Variants in NTPCR observed in about 807,000 individuals in gnomAD.
NTPCR encodes cancer-related nucleoside-triphosphatase.
A neutral mutation model predicts 19.5 loss-of-function variants in NTPCR; 15 were observed. That is an observed-to-expected ratio of 0.77 (90% CI 0.51 to 1.18). The LOEUF is 1.18. Among genes scored for constraint, NTPCR ranks in the 50% most tolerant of loss-of-function variants. The pLI is 0.00. For synonymous variants in NTPCR, 90 were observed against 95.8 expected (o/e 0.94, Z 0.36); for missense variants, 206 against 240.4 (o/e 0.86, Z 0.95).
intron 1 of NTPCR, among the ~76,000 whole-genome samples, chr1:232,951,780 G>A (rs1312766198): frequency 6.6e-6 from 1 of 152,142 alleles, no homozygotes; most frequent in African/African-American, 2.4e-5. Flanking sequence ...GGAGCAGGGG[G>A]TGAGGAGGAG....
intron 3 of NTPCR, among the ~76,000 whole-genome samples, chr1:232,957,774 A>T (rs1397969513): frequency 2.6e-5 from 4 of 152,234 alleles, no homozygotes; most frequent in Admixed American, 1.3e-4. Flanking sequence ...GTAAATTTAT[A>T]CTTGTCATGG....
chr1:232,975,203 C>T (rs533755457), intron 4 of NTPCR, among the ~76,000 whole-genome samples: 44 of 152,334 alleles, frequency 2.9e-4, no homozygotes, highest in Non-Finnish European at 5.7e-4. Flanking sequence ...TCTGATCTTC[C>T]AGGCTGCTTG....
At position 232,980,344 on chromosome 1, in the gene NTPCR, C is replaced by T. The variant is rs1669250716; in HGVS notation, c.*2113C>T. The T allele has an allele frequency of 6.6e-6, 1 of 152,212 alleles. No individual in the cohort carries two copies. Among genetic ancestry groups the T allele is most frequent in the Non-Finnish European group, 1.5e-5 (1 of 68,048 alleles). The allele number at this position is 152,212 out of a possible 1,614,324, so 9.4% of individuals were successfully genotyped here. ...TGTTTAAGTGGTTCGTTCAGGAGCACAGTGATAGCGGTGACAAAGGAGATT... is the reference window on the plus strand; with the variant it reads ...TGTTTAAGTGGTTCGTTCAGGAGCATAGTGATAGCGGTGACAAAGGAGATT... On this transcript the variant is annotated 3_prime_UTR_variant, in exon 5 of 5. Coordinates refer to ENST00000366628, the MANE Select transcript of NTPCR (RefSeq NM_032324.3).
intron 3 of NTPCR, chr1:232,963,928 A>G (rs1161144138): frequency 1.3e-5 from 2 of 151,854 alleles, no homozygotes; most frequent in Non-Finnish European, 2.9e-5. Context: ...ATACGTTGCA[A>G]TCATCAAGGT....
Position 232,978,186 on chromosome 1 carries a change from C to T in NTPCR, c.528C>T (p.His176=). 1.2e-6 allele frequency: 2 copies of T among 1,614,210 alleles called. No homozygotes were observed. Among genetic ancestry groups the T allele is most frequent in the Non-Finnish European group, 1.7e-6 (2 of 1,180,022 alleles). ...VFNVTKENRN[H]LLPDIVTCVQ... Reference sequence around the variant, plus strand: ...AGGTCACCAAGGAAAACAGAAACCACCTTCTGCCAGATATCGTGACGTGCG... The same window carrying T: ...AGGTCACCAAGGAAAACAGAAACCATCTTCTGCCAGATATCGTGACGTGCG... The change falls in exon 5 of 5, where the codon CAC becomes CAT. Residue 176 remains histidine (H), a synonymous_variant. Transcript: ENST00000366628.
At chr1:232,959,581 G>T (rs1478171021) in intron 3 of NTPCR, among the ~76,000 whole-genome samples, 2 of 152,054 alleles carry the variant, frequency 1.3e-5, no homozygotes, top group East Asian at 3.9e-4. Flanking sequence ...AAAATGAAAA[G>T]AATATTAATT....
At chr1:232,971,169 C>G (rs916002847) in intron 4 of NTPCR, among the ~76,000 whole-genome samples, 2 of 152,196 alleles carry the variant, frequency 1.3e-5, no homozygotes, top group Non-Finnish European at 2.9e-5. Context: ...TCTCCCCAAC[C>G]CCTACCCTTA....
At chr1:232,959,997 G>A (rs948417401) in intron 3 of NTPCR, among the ~76,000 whole-genome samples, 5 of 151,990 alleles carry the variant, frequency 3.3e-5, no homozygotes, top group African/African-American at 1.2e-4. Context: ...GATAACTTCA[G>A]GCCAGGAGTT....
chr1:232,974,451 C>T (rs1189874859), intron 4 of NTPCR, among the ~76,000 whole-genome samples: 1 of 152,068 alleles, frequency 6.6e-6, no homozygotes, highest in Non-Finnish European at 1.5e-5. Context: ...GTGTAGTGGG[C>T]TTTTCTTCCT....
Position 232,955,586 on chromosome 1 carries a change from G to A in NTPCR, c.64G>A (p.Ala22Thr), listed in dbSNP as rs1238302530. 1.2e-6 allele frequency: 2 copies of A among 1,600,214 alleles called. No homozygotes were observed. The highest frequency in any genetic ancestry group is 3.4e-5 in the Admixed American group (2 of 58,460). Residue 22 changes from alanine to threonine, a missense_variant, in exon 2 of 5, where the codon GCC (alanine) becomes ACC (threonine). Ala to Thr is a moderately conservative substitution (Grantham distance 58, BLOSUM62 0). Transcript: ENST00000366628. ...GVGKTTLIHK[A>T]SEVLKSSGVP... ...TGGAAAAACAACATTGATCCATAAAGCCAGTGAGGTTTTAAAATCCTCTGG... is the reference window on the plus strand; with the variant it reads ...TGGAAAAACAACATTGATCCATAAAACCAGTGAGGTTTTAAAATCCTCTGG...
At chr1:232,974,533 A>T (rs931289155) in intron 4 of NTPCR, among the ~76,000 whole-genome samples, 7 of 152,232 alleles carry the variant, frequency 4.6e-5, no homozygotes, top group Non-Finnish European at 8.8e-5. Context: ...GTTAAAAAAA[A>T]TAGCTGAAAA....
intron 3 of NTPCR, chr1:232,967,803 A>G (rs1485341040): frequency 6.6e-6 from 1 of 152,170 alleles, no homozygotes; most frequent in African/African-American, 2.4e-5. Context: ...CTCCAGAGGA[A>G]TGGCATCCAC....
intron 4 of NTPCR, chr1:232,976,499 C>G (rs1669128361): frequency 1.9e-6 from 3 of 1,540,458 alleles, no homozygotes; most frequent in Admixed American, 2.1e-5. Flanking sequence ...GTGTCGCCTC[C>G]TTTCTACCTC....
At chr1:232,958,598 A>G (rs980868751) in intron 3 of NTPCR, among the ~76,000 whole-genome samples, 8 of 152,048 alleles carry the variant, frequency 5.3e-5, no homozygotes, top group African/African-American at 1.7e-4. Flanking sequence ...TTTTCTTCCT[A>G]CGCTGTGTTT....
At chr1:232,976,480 C>T in intron 4 of NTPCR, 1 of 1,548,616 alleles carries the variant, frequency 6.5e-7, no homozygotes. Flanking sequence ...CCCTGTGGTG[C>T]CCACCTCTGT....
intron 3 of NTPCR, chr1:232,963,122 A>G (rs188179551): frequency 1.3e-5 from 2 of 152,326 alleles, no homozygotes; most frequent in Non-Finnish European, 2.9e-5. Flanking sequence ...CTCATGTATT[A>G]CAAGTATGTA....
Position 232,952,795 on chromosome 1 carries a change from C to T in NTPCR, c.34+2051C>T, listed in dbSNP as rs184227252. 8.2e-4 allele frequency among the ~76,000 whole-genome samples: 125 copies of T among 152,202 alleles called. 1 individual carries two copies. The highest frequency in any genetic ancestry group is 3.9e-3 in the South Asian group (19 of 4,824). Reference sequence around the variant, plus strand: ...ATGTTCAGACCATCAGGTAAAGTCTCCTCTCAAAGAGGTCACTTTTTGTTG... The same window carrying T: ...ATGTTCAGACCATCAGGTAAAGTCTTCTCTCAAAGAGGTCACTTTTTGTTG... On this transcript the variant is annotated intron_variant, in intron 1 of 4. Coordinates refer to ENST00000366628, the MANE Select transcript of NTPCR (RefSeq NM_032324.3).
chr1:232,955,977 A>G (rs1668501923), intron 2 of NTPCR, among the ~76,000 whole-genome samples: 1 of 152,194 alleles, frequency 6.6e-6, no homozygotes, highest in South Asian at 2.1e-4. Context: ...ATCACATGAA[A>G]AAAGTATAAG....
rs1035065781 is a variant in NTPCR, at chr1:232,951,172, A to C, written c.34+428A>C. 2.1e-4 allele frequency: 32 copies of C among 149,182 alleles called. 1 individual carries two copies. Among genetic ancestry groups the C allele is most frequent in the Non-Finnish European group, 5.8e-5 (4 of 69,490 alleles). 9.2% of individuals were successfully genotyped at this position (149,182 alleles called of 1,614,324 possible). On this transcript the variant is annotated intron_variant, in intron 1 of 4. Coordinates refer to ENST00000366628, the MANE Select transcript of NTPCR (RefSeq NM_032324.3). ...TGGGTCTTTGCTACATTGATCGTGC[A>C]AAAAAAAAATGGTAAATTTTAGTTG...
Sources: allele counts gnomAD v4.1 joint callset (sites outside exome capture counted in the v4.1 genomes callset), GRCh38; gene constraint gnomAD v4.1.1; transcripts MANE v1.5; gene names NCBI Gene and HGNC (gene_info 2026-07-23, HGNC 2026-07-21).